The following CCDC121 variants were observed in gnomAD, a reference collection of about 807,000 sequenced individuals.
CCDC121 encodes coiled-coil domain containing 121.
For missense variants in CCDC121, 238 were observed against 304.1 expected (o/e 0.78, Z 1.62); for synonymous variants, 108 against 120.0 (o/e 0.90, Z 0.65).
chr2:27,627,968 G>A (rs1673348100), intron 1 of CCDC121, 51 bp from the exon 2 acceptor site: 4 of 1,252,466 alleles, frequency 3.2e-6, no homozygotes, highest in Admixed American at 1.8e-5. Flanking sequence ...ACTTTAGGAA[G>A]TAAGTGCACA....
chr2:27,628,699 G>A lies in CCDC121; in HGVS notation c.-119+251C>T. The A allele has an allele frequency of 6.4e-7, 1 of 1,551,706 alleles. No homozygotes were observed. The highest frequency in any genetic ancestry group is 8.7e-7 in the Non-Finnish European group (1 of 1,146,846). ...AGTGGCTCCGCTCCCCGTTCTCTGT[G>A]GGCTCAAAATGACAGGCATGCTCCT... is the stretch of plus-strand genomic sequence containing the variant. On this transcript the variant is annotated intron_variant, in intron 1 of 1. Coordinates refer to ENST00000324364, the MANE Select transcript of CCDC121 (RefSeq NM_024584.5).
rs1673286330 is a variant in CCDC121, at chr2:27,626,655, C to A, written c.*308G>T. Reference sequence around the variant, plus strand: ...AAATAAATCACAACTGTTTTCACTTCCTTAGGTTGGTTTCCTTTAGCTAGT... The same window carrying A: ...AAATAAATCACAACTGTTTTCACTTACTTAGGTTGGTTTCCTTTAGCTAGT... On this transcript the variant is annotated 3_prime_UTR_variant, in exon 2 of 2. Transcript: ENST00000324364. 7.9e-6 allele frequency: 2 copies of A among 252,894 alleles called. No homozygotes were observed. The highest frequency in any genetic ancestry group is 7.5e-6 in the Non-Finnish European group (1 of 133,358). 15.7% of individuals were successfully genotyped at this position (252,894 alleles called of 1,614,324 possible).
chr2:27,626,970 G>T lies in CCDC121; in HGVS notation c.830C>A (p.Pro277Gln). Residue 277 changes from proline (P) to glutamine (Q), a missense_variant, in exon 2 of 2, where the codon CCA (proline) becomes CAA (glutamine). Coordinates refer to ENST00000324364, the MANE Select transcript of CCDC121 (RefSeq NM_024584.5). ...LPQGTKSRIN[P>Q]K ...TCAGTGTTATTTTAGAAGTTACTTTGGATTAATCCTTGATTTGGTGCCTTG... is the reference window on the plus strand; with the variant it reads ...TCAGTGTTATTTTAGAAGTTACTTTTGATTAATCCTTGATTTGGTGCCTTG... 1 of 1,599,812 alleles carries T rather than the reference G, an allele frequency of 6.3e-7. No individual in the cohort carries two copies. The highest frequency in any genetic ancestry group is 8.5e-7 in the Non-Finnish European group (1 of 1,171,438).
Position 27,627,394 on chromosome 2 carries a change from C to T in CCDC121, c.406G>A (p.Ala136Thr). 1 of 1,614,200 alleles carries T rather than the reference C, an allele frequency of 6.2e-7. No individual in the cohort carries two copies. The highest frequency in any genetic ancestry group is 8.5e-7 in the Non-Finnish European group (1 of 1,180,038). ...EETKKVQAET[A>T]SKTREVQAQL... ...GCCTGTACTTCCCGTGTCTTTGAAG[C>T]TGTCTCAGCTTGGACTTTCTTTGTC... Residue 136 changes from alanine (A) to threonine (T), a missense_variant, in exon 2 of 2, where the codon GCT becomes ACT. Ala to Thr is a moderately conservative substitution (Grantham distance 58). Coordinates refer to ENST00000324364, the MANE Select transcript of CCDC121 (RefSeq NM_024584.5).
chr2:27,626,952 T>C lies in CCDC121; in HGVS notation c.*11A>G. ...GCTCCAGTTCTTATTTAATCAGTGT[T>C]ATTTTAGAAGTTACTTTGGATTAAT... On this transcript the variant is annotated 3_prime_UTR_variant, in exon 2 of 2. Transcript: ENST00000324364. 3 of 1,570,102 alleles carry C rather than the reference T, an allele frequency of 1.9e-6. No individual in the cohort carries two copies. Among genetic ancestry groups the C allele is most frequent in the Non-Finnish European group, 2.6e-6 (3 of 1,150,764 alleles).
chr2:27,628,480 G>A, intron 1 of CCDC121: 1 of 1,551,522 alleles, frequency 6.4e-7, no homozygotes, highest in Non-Finnish European at 8.7e-7. Flanking sequence ...GCTAGCATCA[G>A]GAACCTGCGT....
Position 27,625,687 on chromosome 2 carries a change from A to T in CCDC121, c.*1276T>A, listed in dbSNP as rs1673262439. The T allele has an allele frequency of 6.6e-6, 1 of 152,366 alleles. No homozygotes were observed. The highest frequency in any genetic ancestry group is 2.1e-4 in the South Asian group (1 of 4,834). The allele number at this position is 152,366 out of a possible 1,614,324, so 9.4% of individuals were successfully genotyped here. On this transcript the variant is annotated 3_prime_UTR_variant, in exon 2 of 2. Transcript: ENST00000324364. The stretch of plus-strand genomic sequence containing the variant: ...ATTTAATAACATTGTTTAATAAAAA[A>T]CTACATATTTAACAGAAAAGTTGTT...
chr2:27,626,863 T>G lies in CCDC121; in HGVS notation c.*100A>C, dbSNP rs1261505260. 1.2e-6 allele frequency: 1 copy of G among 845,594 alleles called. No homozygotes were observed. The highest frequency in any genetic ancestry group is 1.7e-5 in the African/African-American group (1 of 59,026). The allele number at this position is 845,594 out of a possible 1,614,324, so 52.4% of individuals were successfully genotyped here. A position where few individuals can be genotyped will look rare whatever the true frequency, so the allele number is the denominator to read the frequency against. On this transcript the variant is annotated 3_prime_UTR_variant, in exon 2 of 2. Coordinates refer to ENST00000324364, the MANE Select transcript of CCDC121 (RefSeq NM_024584.5). The stretch of plus-strand genomic sequence containing the variant: ...CTCCAACACATCATGATGGAGATTT[T>G]ACAATAGCAATCTGGAATCCAACAG...
At chr2:27,628,664 C>G in intron 1 of CCDC121, 1 of 1,551,632 alleles carries the variant, frequency 6.4e-7, no homozygotes, top group Non-Finnish European at 8.7e-7. Context: ...GCCCGAGCAG[C>G]CGGTCCTCCA....
rs1368299471 is a variant in CCDC121, at chr2:27,627,768, G to C, written c.32C>G (p.Ala11Gly). The C allele has an allele frequency of 1.2e-6, 2 of 1,613,786 alleles. No homozygotes were observed. The highest frequency in any genetic ancestry group is 1.7e-4 in the Middle Eastern group (1 of 6,058). Residue 11 changes from alanine to glycine, a missense_variant, in exon 2 of 2, where the codon GCT (alanine) becomes GGT (glycine). Coordinates refer to ENST00000324364, the MANE Select transcript of CCDC121 (RefSeq NM_024584.5). The part of the protein sequence containing the change: MTDLNKHIKQ[A>G]QTQRKQLLEE... ...CAGTAGCTGTTTCCGCTGGGTTTGA[G>C]CTTGTTTTATATGCTTGTTCAGATC...
At position 27,627,933 on chromosome 2, in the gene CCDC121, A is replaced by G. The variant is rs746218316; in HGVS notation, c.-118-16T>C. The G allele has an allele frequency of 2.6e-6, 4 of 1,542,138 alleles. No homozygotes were observed. Among genetic ancestry groups the G allele is most frequent in the African/African-American group, 2.7e-5 (2 of 72,928 alleles). Reference sequence around the variant, plus strand: ...CTCAGCAAACCTGAAAGAACAAACGAGACATTCCTCTGTCAGTTAATGAAA... The same window carrying G: ...CTCAGCAAACCTGAAAGAACAAACGGGACATTCCTCTGTCAGTTAATGAAA... On this transcript the variant is annotated splice_polypyrimidine_tract_variant and intron_variant, in intron 1 of 1. Coordinates refer to ENST00000324364, the MANE Select transcript of CCDC121 (RefSeq NM_024584.5).
At chr2:27,628,323 C>A in intron 1 of CCDC121, 2 of 1,395,114 alleles carry the variant, frequency 1.4e-6, no homozygotes, top group African/African-American at 1.5e-5. Flanking sequence ...GCTCTTTCAT[C>A]ATCTTTCCTG....
rs1331509680 is a variant in CCDC121 at position 27,627,234 on chromosome 2, AAAAT to A, written c.562_565del (p.Ile188LeufsTer21). 2.5e-6 allele frequency: 4 copies of A among 1,614,008 alleles called. No homozygotes were observed. In the Admixed American group the frequency reaches 5.0e-5, roughly 20 times the overall value. On this transcript the variant is annotated frameshift_variant, in exon 2 of 2. Coordinates refer to ENST00000324364, the MANE Select transcript of CCDC121 (RefSeq NM_024584.5). LOFTEE classifies it low-confidence loss of function (END_TRUNC). ...TCTGTTGATGCCACAGGAGTATTCA[AAAAT>A]AAACCGCTTTGCTGCCAACTTCAAG...
rs1350462592 is a variant in CCDC121, at chr2:27,626,585, C to G, written c.*378G>C. On this transcript the variant is annotated 3_prime_UTR_variant, in exon 2 of 2. Transcript: ENST00000324364. The stretch of plus-strand genomic sequence containing the variant: ...ATTCAAAGTCTATTTGGAATGCTAT[C>G]CTTAAAGGTACTTTCTCTATAAAGA... The G allele has an allele frequency of 1.2e-5, 2 of 164,152 alleles. No homozygotes were observed. Among genetic ancestry groups the G allele is most frequent in the Admixed American group, 6.2e-5 (1 of 16,052 alleles). The allele number at this position is 164,152 out of a possible 1,614,324, so 10.2% of individuals were successfully genotyped here. A position where few individuals can be genotyped will look rare whatever the true frequency, so the allele number is the denominator to read the frequency against.
At chr2:27,628,543 G>T (rs1356021723) in intron 1 of CCDC121, 3 of 1,551,356 alleles carry the variant, frequency 1.9e-6, no homozygotes, top group East Asian at 4.9e-5. Context: ...TAGTTTATTC[G>T]TTCGGTGCTC....
intron 1 of CCDC121, chr2:27,628,697 G>A: frequency 1.3e-6 from 2 of 1,551,686 alleles, no homozygotes; most frequent in Non-Finnish European, 1.7e-6. Context: ...CCCGTTCTCT[G>A]TGGGCTCAAA....
rs1673342380 is a variant in CCDC121 at position 27,627,857 on chromosome 2, G to T, written c.-58C>A. 1 of 1,614,030 alleles carries T rather than the reference G, an allele frequency of 6.2e-7. No homozygotes were observed. Among genetic ancestry groups the T allele is most frequent in the East Asian group, 2.2e-5 (1 of 44,866 alleles). ...CTACCTTTGTTAGCTTCTCTGGCTTGACAAAATTATTTATTAGACTATGAT... is the reference window on the plus strand; with the variant it reads ...CTACCTTTGTTAGCTTCTCTGGCTTTACAAAATTATTTATTAGACTATGAT... On this transcript the variant is annotated 5_prime_UTR_variant, in exon 2 of 2. Coordinates refer to ENST00000324364, the MANE Select transcript of CCDC121 (RefSeq NM_024584.5).
chr2:27,627,011 G>A lies in CCDC121; in HGVS notation c.789C>T (p.Thr263=), dbSNP rs758082989. ...TGGTGCCTTGGGGAAGACTGGGTGT[G>A]GTCTTTGGAACATCCTGTCTATTTA... ...QCLNRQDVPK[T]TPSLPQGTKS... is the part of the protein sequence containing the mutation. The change falls in exon 2 of 2, where the codon ACC becomes ACT. Residue 263 remains threonine, a synonymous_variant. Transcript: ENST00000324364. 5.0e-6 allele frequency: 8 copies of A among 1,613,396 alleles called. No individual in the cohort carries two copies. The South Asian group carries it at 8.8e-5, about 18-fold the overall frequency.
At chr2:27,628,234 T>C (rs1351048701) in intron 1 of CCDC121, 12 of 733,370 alleles carry the variant, frequency 1.6e-5, no homozygotes, top group Non-Finnish European at 2.2e-5. Flanking sequence ...CCAGATCTTA[T>C]GACTTACTGA....
Sources: allele counts gnomAD v4.1 joint callset, GRCh38; gene constraint gnomAD v4.1.1; transcripts MANE v1.5; gene names NCBI Gene and HGNC (gene_info 2026-07-23, HGNC 2026-07-21).